Variants in NCKAP5 observed in about 807,000 individuals in gnomAD.
The protein encoded by NCKAP5 is NCK associated protein 5.
NCKAP5 carries 92 observed loss-of-function variants against 167.0 expected under a neutral mutation model. The observed-to-expected ratio is 0.55, with a 90% confidence interval of 0.47 to 0.66. The LOEUF is 0.66. NCKAP5 is among the 30% of genes least tolerant of loss of function. The pLI is 0.00. For missense variants in NCKAP5, 2,378 were observed against 2,315.0 expected (o/e 1.03, Z -0.56); for synonymous variants, 891 against 877.4 (o/e 1.02, Z -0.27).
At chr2:133,606,800 C>A in the NCKAP5 span, among the ~76,000 whole-genome samples, 5 of 150,814 alleles carry the variant, frequency 3.3e-5, no homozygotes, top group African/African-American at 9.8e-5. Context: ...ACTGAAACCA[C>A]AAGTGTGAAT....
intron 19 of NCKAP5, among the ~76,000 whole-genome samples, chr2:132,678,006 G>GT (rs199601361): frequency 1.3e-5 from 2 of 151,978 alleles, no homozygotes; most frequent in African/African-American, 2.4e-5. Flanking sequence ...ATTCACAGTA[G>GT]TTTTTTTTAT....
intron 6 of NCKAP5, among the ~76,000 whole-genome samples, chr2:133,039,101 C>G (rs180791863): frequency 6.6e-6 from 1 of 152,132 alleles, no homozygotes; most frequent in Admixed American, 6.6e-5. Flanking sequence ...AAGGTTTGAG[C>G]GGCTCCAGCA....
intron 6 of NCKAP5, among the ~76,000 whole-genome samples, chr2:133,021,906 C>T (rs1361213050): frequency 6.6e-6 from 1 of 152,212 alleles, no homozygotes; most frequent in Non-Finnish European, 1.5e-5. Context: ...GCTGGGATTA[C>T]AGGAGTGAGG....
At chr2:133,396,252 C>A (rs1313083732) in intron 3 of NCKAP5, among the ~76,000 whole-genome samples, 1 of 152,054 alleles carries the variant, frequency 6.6e-6, no homozygotes, top group Non-Finnish European at 1.5e-5. Context: ...TATTGGTAAG[C>A]ATAAGCATAA....
intron 6 of NCKAP5, among the ~76,000 whole-genome samples, chr2:133,042,829 TTCTC>T (rs1433709290): frequency 6.6e-6 from 1 of 152,226 alleles, no homozygotes; most frequent in Non-Finnish European, 1.5e-5. Flanking sequence ...AGGTGGTCTT[TTCTC>T]TCTATTTCAT....
chr2:133,422,362 G>A (rs1396221119), intron 3 of NCKAP5, among the ~76,000 whole-genome samples: 2 of 152,148 alleles, frequency 1.3e-5, no homozygotes. Flanking sequence ...TCTTGTTGTT[G>A]TTGTTTTTTT....
At chr2:132,719,854 CAG>C (rs1414802642) in intron 19 of NCKAP5, among the ~76,000 whole-genome samples, 1 of 152,282 alleles carries the variant, frequency 6.6e-6, no homozygotes, top group African/African-American at 2.4e-5. Flanking sequence ...TCAGTGAAGA[CAG>C]AGAACCTGGG....
chr2:133,314,715 G>A (rs990153203), intron 3 of NCKAP5, among the ~76,000 whole-genome samples: 1 of 152,194 alleles, frequency 6.6e-6, no homozygotes, highest in East Asian at 1.9e-4. Context: ...CTGCATGAAG[G>A]TAACATTTTT....
At chr2:132,894,247 G>GAGA (rs143512614) in intron 8 of NCKAP5, among the ~76,000 whole-genome samples, 4,372 of 152,292 alleles carry the variant, frequency 0.029, 175 homozygotes, top group African/African-American at 0.099. Context: ...ACCTACATTT[G>GAGA]AGAAAGAATT....
intron 7 of NCKAP5, among the ~76,000 whole-genome samples, chr2:132,967,051 A>G (rs943858425): frequency 2.0e-5 from 3 of 152,142 alleles, no homozygotes; most frequent in African/African-American, 7.2e-5. Flanking sequence ...ATGTTCACGA[A>G]TGACCACAAA....
intron 6 of NCKAP5, among the ~76,000 whole-genome samples, chr2:133,046,150 G>T (rs1416059658): frequency 4.6e-5 from 7 of 152,118 alleles, no homozygotes; most frequent in Admixed American, 4.6e-4. Flanking sequence ...GACCATGGTT[G>T]TCTGTGGGTA....
chr2:132,823,885 C>T (rs1288588931), intron 11 of NCKAP5, among the ~76,000 whole-genome samples: 1 of 151,972 alleles, frequency 6.6e-6, no homozygotes, highest in Non-Finnish European at 1.5e-5. Flanking sequence ...AGATGGAAAC[C>T]AAAAGCAAGC....
At chr2:133,536,874 T>C (rs954961621) in intron 2 of NCKAP5, among the ~76,000 whole-genome samples, 2 of 152,048 alleles carry the variant, frequency 1.3e-5, no homozygotes, top group African/African-American at 2.4e-5. Flanking sequence ...GATCTGAAAC[T>C]ATTGCTTAAT....
intron 5 of NCKAP5, among the ~76,000 whole-genome samples, chr2:133,143,973 C>G (rs1470005807): frequency 2.0e-5 from 3 of 152,076 alleles, no homozygotes; most frequent in Non-Finnish European, 4.4e-5. Flanking sequence ...TTCATCGCAA[C>G]CAGCAAACCA....
chr2:133,654,812 ATCT>A, the NCKAP5 span, among the ~76,000 whole-genome samples: 1 of 152,184 alleles, frequency 6.6e-6, no homozygotes, highest in East Asian at 1.9e-4. Context: ...CATATTTCCC[ATCT>A]TCTTTACATC....
intron 19 of NCKAP5, among the ~76,000 whole-genome samples, chr2:132,708,516 T>G (rs904168482): frequency 2.6e-5 from 4 of 152,052 alleles, no homozygotes; most frequent in African/African-American, 9.7e-5. Context: ...TCTAGTAGCT[T>G]GGGTGCCAGC....
At chr2:132,797,610 G>A (rs548882977) in intron 11 of NCKAP5, among the ~76,000 whole-genome samples, 30 of 152,142 alleles carry the variant, frequency 2.0e-4, no homozygotes, top group Non-Finnish European at 4.0e-4. Flanking sequence ...GCAGCTAAGC[G>A]TGCCTCTCTC....
At chr2:132,969,089 GT>G (rs1455310152) in intron 7 of NCKAP5, among the ~76,000 whole-genome samples, 1 of 152,098 alleles carries the variant, frequency 6.6e-6, no homozygotes, top group Non-Finnish European at 1.5e-5. Flanking sequence ...CCAGGCTGGG[GT>G]GCAGTGGTGC....
At chr2:133,625,611 A>G in the NCKAP5 span, among the ~76,000 whole-genome samples, 1 of 152,128 alleles carries the variant, frequency 6.6e-6, no homozygotes, top group African/African-American at 2.4e-5. Flanking sequence ...AGCAGCAATA[A>G]GAATAATAAG....
Sources: gnomAD v4.1 joint callset for allele counts (sites outside exome capture counted in the v4.1 genomes callset) on GRCh38, gnomAD v4.1.1 for gene constraint, MANE v1.5 for transcripts, NCBI Gene and HGNC (gene_info 2026-07-23, HGNC 2026-07-21) for gene names.